The following PCDH15 variants were observed in gnomAD, a reference collection of about 807,000 sequenced individuals.
The protein encoded by PCDH15 is protocadherin related 15, also known as protocadherin-15.
In PCDH15, 129 loss-of-function variants were observed where a neutral mutation model predicts 178.5. That is an observed-to-expected ratio of 0.72 (90% CI 0.63 to 0.84). The LOEUF (loss-of-function observed/expected upper bound fraction) is 0.84. Ranked by LOEUF, PCDH15 falls within the 40% of genes least tolerant of loss-of-function variation. The pLI is 0.00. For missense variants in PCDH15, 2,230 were observed against 2,099.9 expected, an observed-to-expected ratio of 1.06 and a Z score of -1.21; for synonymous variants, 800 against 732.0, an observed-to-expected ratio of 1.09 and a Z score of -1.50.
At chr10:54,691,297 T>C (rs1176023928) in intron 1 of PCDH15, among the ~76,000 whole-genome samples, 1 of 152,084 alleles carries the variant, frequency 6.6e-6, no homozygotes, top group Non-Finnish European at 1.5e-5. Flanking sequence ...AGTTCCTTGC[T>C]GCTTTATTTT....
intron 15 of PCDH15, among the ~76,000 whole-genome samples, chr10:54,125,518 G>A (rs920835330): frequency 6.6e-6 from 1 of 152,210 alleles, no homozygotes; most frequent in Non-Finnish European, 1.5e-5. Context: ...ATAGGTAGAT[G>A]TACTTTGCTA....
chr10:54,328,868 G>T (rs770004365), intron 7 of PCDH15, among the ~76,000 whole-genome samples: 6 of 151,772 alleles, frequency 4.0e-5, no homozygotes, highest in African/African-American at 1.5e-4. Flanking sequence ...ACATTGAGCT[G>T]CATAATTCCA....
chr10:54,993,872 A>G (rs1269270556), intron 2 of PCDH15, among the ~76,000 whole-genome samples: 3 of 152,194 alleles, frequency 2.0e-5, no homozygotes, highest in Admixed American at 6.5e-5. Context: ...TCCCTCATCC[A>G]ACAAATTAAA....
chr10:54,840,047 A>T (rs888740424), intron 3 of PCDH15, among the ~76,000 whole-genome samples: 1 of 152,138 alleles, frequency 6.6e-6, no homozygotes, highest in Admixed American at 6.6e-5. Context: ...CCTTATAATA[A>T]ATGCCAAAAG....
chr10:54,755,152 G>A (rs907482554), intron 1 of PCDH15, among the ~76,000 whole-genome samples: 19 of 151,840 alleles, frequency 1.3e-4, no homozygotes, highest in African/African-American at 3.9e-4. Flanking sequence ...GGCTGGTCTC[G>A]AACTCCTGAC....
chr10:53,849,226 T>C (rs1193496330), intron 28 of PCDH15, among the ~76,000 whole-genome samples: 1 of 152,250 alleles, frequency 6.6e-6, no homozygotes, highest in South Asian at 2.1e-4. Flanking sequence ...TTAATCTTTT[T>C]TTTTCTATGT....
chr10:53,876,274 G>C (rs369200456), intron 26 of PCDH15, among the ~76,000 whole-genome samples: 1 of 149,436 alleles, frequency 6.7e-6, no homozygotes, highest in Non-Finnish European at 1.5e-5. Flanking sequence ...TGCAACCTCC[G>C]CCTCACGGGT....
chr10:55,077,609 G>A (rs914197042), intron 2 of PCDH15, among the ~76,000 whole-genome samples: 6 of 151,514 alleles, frequency 4.0e-5, no homozygotes, highest in African/African-American at 1.5e-4. Flanking sequence ...GAGTGCAGTG[G>A]CACAATATTG....
intron 1 of PCDH15, among the ~76,000 whole-genome samples, chr10:54,693,251 GCT>G (rs542764194): frequency 1.3e-5 from 2 of 149,842 alleles, no homozygotes; most frequent in African/African-American, 2.5e-5. Flanking sequence ...GACAACTGAC[GCT>G]CTCTTTCTTT....
At chr10:55,225,645 G>C (rs1419967720) in intron 1 of PCDH15, among the ~76,000 whole-genome samples, 1 of 143,072 alleles carries the variant, frequency 7.0e-6, no homozygotes, top group East Asian at 2.1e-4. Context: ...TTGTGTGTGT[G>C]TGTGTGAGAG....
chr10:55,335,948 T>C (rs923041146), intron 2 of PCDH15, among the ~76,000 whole-genome samples: 1 of 151,998 alleles, frequency 6.6e-6, no homozygotes, highest in East Asian at 1.9e-4. Context: ...GTACCCATTT[T>C]TTGTTGATCT....
chr10:55,004,708 T>G (rs527540840), intron 2 of PCDH15, among the ~76,000 whole-genome samples: 2 of 152,284 alleles, frequency 1.3e-5, no homozygotes, highest in South Asian at 4.1e-4. Flanking sequence ...CCTGTTTTCC[T>G]CAGCTGTAGC....
intron 2 of PCDH15, among the ~76,000 whole-genome samples, chr10:55,388,803 A>G (rs554887627): frequency 1.3e-5 from 2 of 152,254 alleles, no homozygotes; most frequent in Non-Finnish European, 2.9e-5. Context: ...TTTTACCAAT[A>G]TATTGGATAG....
intron 8 of PCDH15, among the ~76,000 whole-genome samples, chr10:54,304,128 G>A (rs2060318066): frequency 6.6e-6 from 1 of 151,964 alleles, no homozygotes; most frequent in African/African-American, 2.4e-5. Flanking sequence ...ATCTTGACAT[G>A]GCAAGGTTTT....
chr10:54,052,261 A>AC (rs2093792582), intron 18 of PCDH15, among the ~76,000 whole-genome samples: 1 of 152,206 alleles, frequency 6.6e-6, no homozygotes. Context: ...AACACCTTGT[A>AC]CCATGTGCCT....
intron 1 of PCDH15, among the ~76,000 whole-genome samples, chr10:54,671,507 G>A (rs1346305142): frequency 3.3e-5 from 5 of 152,096 alleles, no homozygotes; most frequent in Non-Finnish European, 5.9e-5. Flanking sequence ...TGTTGCTTTT[G>A]GAGGGCTATA....
At chr10:54,346,784 T>G (rs1008171255) in intron 5 of PCDH15, among the ~76,000 whole-genome samples, 2 of 152,184 alleles carry the variant, frequency 1.3e-5, no homozygotes, top group South Asian at 2.1e-4. Context: ...GTGGAGAAAC[T>G]GCATCTGTTG....
chr10:54,536,057 G>A (rs927094369), intron 2 of PCDH15, among the ~76,000 whole-genome samples: 7 of 152,076 alleles, frequency 4.6e-5, no homozygotes, highest in African/African-American at 1.2e-4. Flanking sequence ...AATTTAAGAT[G>A]AACAGAACAA....
At chr10:54,475,360 T>C (rs1009779513) in intron 3 of PCDH15, among the ~76,000 whole-genome samples, 3 of 152,010 alleles carry the variant, frequency 2.0e-5, no homozygotes, top group Admixed American at 1.3e-4. Flanking sequence ...AACTAAATCA[T>C]TGTTTGAGTT....
Sources: gnomAD v4.1 joint callset for allele counts (sites outside exome capture counted in the v4.1 genomes callset) on GRCh38, gnomAD v4.1.1 for gene constraint, MANE v1.5 for transcripts, NCBI Gene and HGNC (gene_info 2026-07-23, HGNC 2026-07-21) for gene names.